The following ACOT11 variants were observed in gnomAD, a reference collection of about 807,000 sequenced individuals.
ACOT11 encodes acyl-coenzyme A thioesterase 11.
In ACOT11, 69 loss-of-function variants were observed where a neutral mutation model predicts 77.5. The observed-to-expected ratio is 0.89, with a 90% CI of 0.73 to 1.09. The LOEUF (loss-of-function observed/expected upper bound fraction) is 1.09. Among genes scored for constraint, ACOT11 ranks in the 50% least tolerant of loss-of-function variants. The probability of loss-of-function intolerance (pLI) is 0.00; values close to 1 mark genes in which losing one functional copy is unlikely to be tolerated. For missense variants in ACOT11, 766 were observed against 813.7 expected, an observed-to-expected ratio of 0.94 and a Z score of 0.71; for synonymous variants, 279 against 313.0, an observed-to-expected ratio of 0.89 and a Z score of 1.15.
At chr1:54,565,081 C>G (rs960987238) in intron 1 of ACOT11, among the ~76,000 whole-genome samples, 2 of 152,158 alleles carry the variant, frequency 1.3e-5, no homozygotes, top group African/African-American at 4.8e-5. Context: ...CCAGGCCCTC[C>G]TTGGCCTTTG....
intron 1 of ACOT11, among the ~76,000 whole-genome samples, chr1:54,580,426 C>T (rs779813301): frequency 1.3e-5 from 2 of 152,204 alleles, no homozygotes; most frequent in Non-Finnish European, 2.9e-5. Context: ...GCCCCCAAGC[C>T]CCTCTTCCTC....
At chr1:54,615,007 C>T, downstream of ACOT11, 1 of 763,132 alleles carries the variant, frequency 1.3e-6, no homozygotes, top group Non-Finnish European at 2.1e-6. Flanking sequence ...GCACCACATC[C>T]CTGCAGGGTG....
At chr1:54,554,333 G>T (rs59286731) in intron 1 of ACOT11, among the ~76,000 whole-genome samples, 1 of 96,380 alleles carries the variant, frequency 1.0e-5, no homozygotes, top group Non-Finnish European at 2.0e-5. Context: ...GTGTGTGTGT[G>T]TATATATATA....
In ACOT11 at chr1:54,583,019, C is replaced by T. The variant is rs576005861; in HGVS notation, c.34-1636C>T. Among the ~76,000 whole-genome samples the T allele has an allele frequency of 6.6e-5, 10 of 152,290 alleles. 1 individual carries two copies. The South Asian group carries it at 1.9e-3, about 28-fold the overall frequency. On this transcript the variant is annotated intron_variant, in intron 1 of 15. Coordinates refer to ENST00000343744, the MANE Select transcript of ACOT11 (RefSeq NM_147161.4). ...CCACTCCCACACCCCGAAAGCCAGC[C>T]ACCCGTATCCATGCAGGCCCCCAGC...
chr1:54,612,527 A>C (rs1644129524), downstream of ACOT11: 2 of 1,613,914 alleles, frequency 1.2e-6, no homozygotes, highest in Non-Finnish European at 1.7e-6. Flanking sequence ...GGGGCCAGGC[A>C]GCCCGCACCA....
At position 54,601,117 on chromosome 1, in the gene ACOT11, ATGTGTGTGTATGTGTGTGCATACG is replaced by A. The variant is rs755561761; in HGVS notation, c.885-142_885-119del. On this transcript the variant is annotated intron_variant, in intron 8 of 15. Coordinates refer to ENST00000343744, the MANE Select transcript of ACOT11 (RefSeq NM_147161.4). ...CATGTGTGTGTATGTGTGTGCATACATGTGTGTGTATGTGTGTGCATACGTGTGTGTGTGTGCATGCATGTGTGT... is the reference window on the plus strand; with the variant it reads ...CATGTGTGTGTATGTGTGTGCATACATGTGTGTGTGTGCATGCATGTGTGT... The A allele has an allele frequency of 9.5e-3, 2,367 of 248,618 alleles. 252 individuals are homozygous for A. Among genetic ancestry groups the A allele is most frequent in the African/African-American group, 0.072 (1,973 of 27,510 alleles). 15.4% of individuals were successfully genotyped at this position (248,618 alleles called of 1,614,324 possible). A position where few individuals can be genotyped will look rare whatever the true frequency, so the allele number is the denominator to read the frequency against.
At chr1:54,590,621 G>T (rs975883559) in intron 3 of ACOT11, among the ~76,000 whole-genome samples, 27 of 152,132 alleles carry the variant, frequency 1.8e-4, no homozygotes, top group Non-Finnish European at 2.9e-5. Flanking sequence ...GTTTTTTGCC[G>T]TAATTTTTGA....
In ACOT11 at chr1:54,609,794, A is replaced by C; in HGVS notation, c.*682A>C. The C allele has an allele frequency of 6.2e-6, 10 of 1,614,154 alleles. No homozygotes were observed. Among genetic ancestry groups the C allele is most frequent in the Non-Finnish European group, 7.6e-6 (9 of 1,180,008 alleles). On this transcript the variant is annotated 3_prime_UTR_variant, in exon 16 of 16. Coordinates refer to ENST00000343744, the MANE Select transcript of ACOT11 (RefSeq NM_147161.4). ...TGCGGGCTCCGCTATTTGCAAATGG[A>C]TGCCCCAGTGTCCGGGATGTGTGGC...
chr1:54,616,047 C>G, intron 15 of ACOT11: 2 of 1,614,044 alleles, frequency 1.2e-6, no homozygotes, highest in Non-Finnish European at 1.7e-6. Flanking sequence ...AGCACAGCGT[C>G]CAGCCACTGC....
intron 6 of ACOT11, among the ~76,000 whole-genome samples, chr1:54,595,092 A>G (rs769566471): frequency 3.9e-5 from 6 of 152,198 alleles, no homozygotes; most frequent in Non-Finnish European, 5.9e-5. Flanking sequence ...CATGCTTGTA[A>G]TCCCAGCACT....
chr1:54,620,040 G>C (rs755642042), intron 15 of ACOT11: 5 of 1,607,284 alleles, frequency 3.1e-6, no homozygotes, highest in Non-Finnish European at 4.3e-6. Flanking sequence ...GTTAGCGTCT[G>C]TCCTCGCCCC....
chr1:54,557,186 G>C (rs545014003), intron 1 of ACOT11, among the ~76,000 whole-genome samples: 74 of 152,132 alleles, frequency 4.9e-4, no homozygotes, highest in African/African-American at 1.7e-3. Flanking sequence ...AAGGTCAGGA[G>C]TTCGAGACCA....
intron 15 of ACOT11, among the ~76,000 whole-genome samples, chr1:54,625,884 A>G (rs1302421994): frequency 2.0e-5 from 3 of 148,972 alleles, no homozygotes; most frequent in Non-Finnish European, 4.4e-5. Flanking sequence ...GGTTGCGGTG[A>G]GCCGAGATTG....
At chr1:54,603,175 A>G (rs1339093026) in intron 10 of ACOT11, among the ~76,000 whole-genome samples, 1 of 152,180 alleles carries the variant, frequency 6.6e-6, no homozygotes, top group East Asian at 1.9e-4. Flanking sequence ...CGTCTCTACT[A>G]AAAATACAAA....
intron 1 of ACOT11, among the ~76,000 whole-genome samples, chr1:54,566,103 CACTG>C (rs989350621): frequency 1.3e-5 from 2 of 152,170 alleles, no homozygotes; most frequent in African/African-American, 4.8e-5. Context: ...CCTCCCACCT[CACTG>C]ACTGCTTGCT....
intron 10 of ACOT11, among the ~76,000 whole-genome samples, chr1:54,603,346 C>A (rs376647287): frequency 9.8e-5 from 15 of 152,298 alleles, no homozygotes; most frequent in African/African-American, 3.6e-4. Flanking sequence ...AAGACTCTGT[C>A]TCAAAATAAA....
intron 15 of ACOT11, chr1:54,621,849 G>C (rs1192513849): frequency 6.6e-6 from 1 of 152,410 alleles, no homozygotes; most frequent in East Asian, 1.9e-4. Flanking sequence ...GCAGCTGTTG[G>C]GGGGAAGAGA....
chr1:54,617,709 A>ATT (rs56229276), intron 15 of ACOT11, among the ~76,000 whole-genome samples: 4,713 of 55,674 alleles, frequency 0.085, 1,151 homozygotes, highest in Non-Finnish European at 0.11. Context: ...AGGGCCTGAG[A>ATT]TTTTTTTTTT....
chr1:54,551,722 TTTTTG>T (rs563963526), intron 1 of ACOT11, among the ~76,000 whole-genome samples: 192 of 145,720 alleles, frequency 1.3e-3, no homozygotes, highest in African/African-American at 3.5e-3. Flanking sequence ...TTTGTTTTTG[TTTTTG>T]TTTTGTTTTG....
Sources: gnomAD v4.1 joint callset for allele counts (sites outside exome capture counted in the v4.1 genomes callset) on GRCh38, gnomAD v4.1.1 for gene constraint, MANE v1.5 for transcripts, NCBI Gene and HGNC (gene_info 2026-07-23, HGNC 2026-07-21) for gene names.